LINGO2: variants seen among roughly 807,000 people sequenced by gnomAD.
LINGO2 encodes leucine rich repeat and Ig domain containing 2, also known as leucine-rich repeat and immunoglobulin-like domain-containing nogo receptor-interacting protein 2.
A neutral mutation model predicts 30.6 loss-of-function variants in LINGO2; 14 were observed. That is an observed-to-expected ratio of 0.46 (90% CI 0.30 to 0.72). The LOEUF (loss-of-function observed/expected upper bound fraction) is 0.72, where lower values mean the gene tolerates loss of function less well. LINGO2 is among the 30% of genes least tolerant of loss of function. The pLI is 0.07. For synonymous variants in LINGO2, 317 were observed against 288.5 expected, an observed-to-expected ratio of 1.10 and a Z score of -1.00; for missense variants, 729 against 751.7, an observed-to-expected ratio of 0.97 and a Z score of 0.35.
At chr9:28,270,220 A>G (rs1407408007) in intron 4 of LINGO2, among the ~76,000 whole-genome samples, 1 of 152,020 alleles carries the variant, frequency 6.6e-6, no homozygotes, top group African/African-American at 2.4e-5. Flanking sequence ...TTGAATACCA[A>G]AGAGCCCTTT....
At chr9:28,502,228 T>A (rs930634533) in intron 1 of LINGO2, among the ~76,000 whole-genome samples, 9 of 151,934 alleles carry the variant, frequency 5.9e-5, no homozygotes, top group African/African-American at 2.2e-4. Flanking sequence ...TCTTAGATTT[T>A]CATGACACCA....
chr9:28,305,733 A>G (rs1213514877), intron 3 of LINGO2, among the ~76,000 whole-genome samples: 2 of 152,052 alleles, frequency 1.3e-5, no homozygotes, highest in Non-Finnish European at 1.5e-5. Flanking sequence ...AATTTCTTTA[A>G]AAAATTCTGT....
intron 2 of LINGO2, among the ~76,000 whole-genome samples, chr9:28,388,886 C>CT (rs1330652083): frequency 6.7e-6 from 1 of 149,478 alleles, no homozygotes; most frequent in African/African-American, 2.4e-5. Flanking sequence ...GGTTTTCTCT[C>CT]TTTCTCTCTT....
At chr9:28,963,730 G>T in the LINGO2 span, among the ~76,000 whole-genome samples, 1 of 151,958 alleles carries the variant, frequency 6.6e-6, no homozygotes, top group African/African-American at 2.4e-5. Flanking sequence ...TAAGAAATTT[G>T]ATCTTATGGA....
chr9:28,842,739 T>C, the LINGO2 span, among the ~76,000 whole-genome samples: 1 of 151,850 alleles, frequency 6.6e-6, no homozygotes, highest in Non-Finnish European at 1.5e-5. Flanking sequence ...TTTACATACT[T>C]ATTTGTGGTT....
chr9:28,301,238 T>G (rs1441663365), intron 3 of LINGO2, among the ~76,000 whole-genome samples: 1 of 152,130 alleles, frequency 6.6e-6, no homozygotes, highest in Non-Finnish European at 1.5e-5. Flanking sequence ...ATTTTTGGAC[T>G]GGTTTTGGTC....
At chr9:28,972,880 C>A in the LINGO2 span, among the ~76,000 whole-genome samples, 1 of 152,124 alleles carries the variant, frequency 6.6e-6, no homozygotes, top group South Asian at 2.1e-4. Context: ...GAAAAACCTG[C>A]CCCTGTGATT....
At chr9:28,990,036 T>C in the LINGO2 span, among the ~76,000 whole-genome samples, 1 of 152,090 alleles carries the variant, frequency 6.6e-6, no homozygotes, top group African/African-American at 2.4e-5. Flanking sequence ...CACCAGACAG[T>C]GGGCGCAGGA....
At chr9:28,444,318 A>G (rs1372528588) in intron 2 of LINGO2, among the ~76,000 whole-genome samples, 1 of 152,208 alleles carries the variant, frequency 6.6e-6, no homozygotes, top group African/African-American at 2.4e-5. Flanking sequence ...TCCCAAAACC[A>G]AAGCTGCTGT....
chr9:28,928,645 T>C, the LINGO2 span, among the ~76,000 whole-genome samples: 1 of 152,180 alleles, frequency 6.6e-6, no homozygotes, highest in Non-Finnish European at 1.5e-5. Context: ...GGCCAGGACA[T>C]GAAAAACACA....
chr9:28,907,682 A>C, the LINGO2 span, among the ~76,000 whole-genome samples: 3 of 151,776 alleles, frequency 2.0e-5, no homozygotes, highest in Non-Finnish European at 4.4e-5. Context: ...TATTAAATGC[A>C]TTTTGAAATG....
the LINGO2 span, among the ~76,000 whole-genome samples, chr9:29,154,468 AAATC>A: frequency 4.0e-5 from 6 of 151,680 alleles, no homozygotes; most frequent in Non-Finnish European, 8.8e-5. Flanking sequence ...AAAAAAAAAA[AAATC>A]TCACATTGGC....
chr9:28,196,105 T>C (rs1021491100), intron 4 of LINGO2, among the ~76,000 whole-genome samples: 4 of 151,630 alleles, frequency 2.6e-5, no homozygotes, highest in African/African-American at 4.8e-5. Context: ...AACATCCTTT[T>C]TGACAAAATC....
chr9:29,189,064 C>A, the LINGO2 span, among the ~76,000 whole-genome samples: 4 of 107,724 alleles, frequency 3.7e-5, no homozygotes, highest in Admixed American at 9.0e-5. Context: ...GGGGCTGACC[C>A]CCCCCACCTC....
intron 1 of LINGO2, among the ~76,000 whole-genome samples, chr9:28,491,859 A>C (rs1826408897): frequency 6.6e-6 from 1 of 152,240 alleles, no homozygotes; most frequent in Admixed American, 6.5e-5. Context: ...TAATCTTATG[A>C]GTAAAAATAC....
chr9:27,968,846 C>A (rs1205113397), intron 5 of LINGO2, among the ~76,000 whole-genome samples: 1 of 151,502 alleles, frequency 6.6e-6, no homozygotes, highest in African/African-American at 2.4e-5. Flanking sequence ...TTACCTCTAC[C>A]TTTAAAACAT....
the LINGO2 span, among the ~76,000 whole-genome samples, chr9:28,772,916 C>T: frequency 9.9e-5 from 15 of 152,164 alleles, no homozygotes; most frequent in East Asian, 2.9e-3. Context: ...CAGCACATCA[C>T]TGAAATGGAG....
chr9:28,527,355 T>C (rs1051241570), intron 1 of LINGO2, among the ~76,000 whole-genome samples: 3 of 152,216 alleles, frequency 2.0e-5, no homozygotes, highest in African/African-American at 7.2e-5. Flanking sequence ...GTATTCATTA[T>C]CCACTATGTG....
chr9:28,176,844 A>G (rs550293919), intron 4 of LINGO2, among the ~76,000 whole-genome samples: 33 of 152,214 alleles, frequency 2.2e-4, no homozygotes, highest in Non-Finnish European at 3.7e-4. Context: ...TGGCATCAGC[A>G]GCCTGTGTCT....
Sources: gnomAD v4.1 joint callset for allele counts (sites outside exome capture counted in the v4.1 genomes callset) on GRCh38, gnomAD v4.1.1 for gene constraint, MANE v1.5 for transcripts, NCBI Gene and HGNC (gene_info 2026-07-23, HGNC 2026-07-21) for gene names.